NSUN3: variants seen among roughly 807,000 people sequenced by gnomAD.
NSUN3 encodes the protein tRNA (cytosine(34)-C(5))-methyltransferase, mitochondrial.
NSUN3 carries 24 observed loss-of-function variants against 36.8 expected under a neutral mutation model. That is an observed-to-expected ratio of 0.65 (90% CI 0.47 to 0.92). NSUN3 has a LOEUF of 0.92. Among genes scored for constraint, NSUN3 ranks in the 40% least tolerant of loss-of-function variants. NSUN3 has a pLI of 0.00. For synonymous variants in NSUN3, 146 were observed against 145.2 expected (o/e 1.01, Z -0.04); for missense variants, 381 against 392.8 (o/e 0.97, Z 0.25).
intron 5 of NSUN3, among the ~76,000 whole-genome samples, chr3:94,105,499 T>C (rs1412605253): frequency 6.6e-6 from 1 of 152,178 alleles, no homozygotes; most frequent in Non-Finnish European, 1.5e-5. Flanking sequence ...TCAAATGACT[T>C]CTTTAGGAAA....
intron 5 of NSUN3, among the ~76,000 whole-genome samples, chr3:94,104,371 G>T (rs1240787766): frequency 1.3e-5 from 2 of 152,142 alleles, no homozygotes; most frequent in African/African-American, 2.4e-5. Flanking sequence ...AGTGGATAAG[G>T]TCTCTGGTCT....
intron 3 of NSUN3, among the ~76,000 whole-genome samples, chr3:94,089,588 C>A (rs2107251360): frequency 6.6e-6 from 1 of 152,298 alleles, no homozygotes; most frequent in East Asian, 1.9e-4. Flanking sequence ...TTTCTAAACA[C>A]ACTGTGCGTG....
At position 94,121,796 on chromosome 3, in the gene NSUN3, C is replaced by A. The variant is rs148645307; in HGVS notation, c.744-4415C>A. On this transcript the variant is annotated intron_variant, in intron 5 of 5. Transcript: ENST00000314622. Reference sequence around the variant, plus strand: ...CCATAAAATTTTAGTTATCTGGAACCTCAGGGAATACCTTTTCTAGAGAGG... The same window carrying A: ...CCATAAAATTTTAGTTATCTGGAACATCAGGGAATACCTTTTCTAGAGAGG... Among the ~76,000 whole-genome samples, 11 of 152,208 alleles carry A rather than the reference C, an allele frequency of 7.2e-5. No homozygotes were observed. In the East Asian group the frequency reaches 2.1e-3, roughly 29 times the overall value.
chr3:94,106,429 C>G (rs1322316872), intron 5 of NSUN3, among the ~76,000 whole-genome samples: 4 of 152,128 alleles, frequency 2.6e-5, no homozygotes, highest in Non-Finnish European at 5.9e-5. Flanking sequence ...AGTGTGATAT[C>G]TAGAAATTTG....
chr3:94,069,875 G>A (rs771442387), intron 2 of NSUN3, among the ~76,000 whole-genome samples: 23 of 152,156 alleles, frequency 1.5e-4, no homozygotes, highest in Non-Finnish European at 2.5e-4. Context: ...GGGTAAGCAG[G>A]CAGGGTGACA....
intron 2 of NSUN3, chr3:94,082,022 T>C (rs1187966682): frequency 6.6e-6 from 1 of 152,212 alleles, no homozygotes; most frequent in Non-Finnish European, 1.5e-5. Flanking sequence ...TGATGTTAAC[T>C]AATTGAAAGT....
intron 5 of NSUN3, 56 bp from the exon 6 acceptor site, chr3:94,126,155 C>T: frequency 2.0e-6 from 3 of 1,471,390 alleles, no homozygotes; most frequent in Non-Finnish European, 2.8e-6. Context: ...GTCAGACCCC[C>T]TGGTTTCTTT....
intron 1 of NSUN3, chr3:94,063,491 G>C (rs1459578246): frequency 7.2e-6 from 2 of 278,748 alleles, no homozygotes; most frequent in African/African-American, 4.3e-5. Context: ...TTGCAAGGAA[G>C]TTCACGATGA....
At position 94,095,283 on chromosome 3, in the gene NSUN3, A is replaced by T. The variant is rs940636869; in HGVS notation, c.743+129A>T. 8 of 903,196 alleles carry T rather than the reference A, an allele frequency of 8.9e-6. No individual in the cohort carries two copies. In the African/African-American group the frequency reaches 1.3e-4, roughly 15 times the overall value. The allele number at this position is 903,196 out of a possible 1,614,324, so 55.9% of individuals were successfully genotyped here. On this transcript the variant is annotated intron_variant, in intron 5 of 5. Transcript: ENST00000314622. ...CAATGATTATTCCTCCAAAGGCTAC[A>T]CTCAAAAAATTCCCAACTTCTTCCC... is the stretch of plus-strand genomic sequence containing the variant.
intron 5 of NSUN3, 80 bp downstream of exon 5, chr3:94,095,234 G>T (rs2077332876): frequency 1.4e-6 from 2 of 1,382,596 alleles, no homozygotes; most frequent in Non-Finnish European, 1.0e-6. Flanking sequence ...CAGGCCCCCA[G>T]TGGAGGGCTT....
At chr3:94,063,322 C>G in intron 1 of NSUN3, 184 bp downstream of exon 1, 1 of 645,564 alleles carries the variant, frequency 1.5e-6, no homozygotes, top group Non-Finnish European at 2.8e-6. Flanking sequence ...ATGCTGAGTC[C>G]CTTCCGTCCA....
At chr3:94,067,190 T>C (rs1345400234) in intron 2 of NSUN3, among the ~76,000 whole-genome samples, 1 of 152,206 alleles carries the variant, frequency 6.6e-6, no homozygotes, top group Non-Finnish European at 1.5e-5. Context: ...TGAGTGTCCC[T>C]GGTTGGCAAT....
intron 2 of NSUN3, among the ~76,000 whole-genome samples, chr3:94,082,999 T>C (rs2077276497): frequency 6.6e-6 from 1 of 152,172 alleles, no homozygotes; most frequent in Non-Finnish European, 1.5e-5. Flanking sequence ...CCTCTAATAT[T>C]AATAGTCTCT....
intron 1 of NSUN3, 85 bp from the exon 2 acceptor site, chr3:94,064,347 TTCTTG>T (rs1357313299): frequency 1.3e-6 from 1 of 764,688 alleles, no homozygotes; most frequent in Non-Finnish European, 2.3e-6. Flanking sequence ...AAAAAAAGTG[TTCTTG>T]TCTTAAAAAA....
intron 3 of NSUN3, among the ~76,000 whole-genome samples, chr3:94,089,962 A>G (rs2077307800): frequency 6.6e-6 from 1 of 152,202 alleles, no homozygotes; most frequent in Non-Finnish European, 1.5e-5. Context: ...GGACAGTATC[A>G]TTATTCCAAT....
At chr3:94,101,313 A>T (rs1215837880) in intron 5 of NSUN3, among the ~76,000 whole-genome samples, 1 of 152,064 alleles carries the variant, frequency 6.6e-6, no homozygotes, top group Non-Finnish European at 1.5e-5. Context: ...TTTTTTTTTT[A>T]AACTGTTAGT....
rs191484243 is a variant in NSUN3 at position 94,069,628 on chromosome 3, A to C, written c.122+5082A>C. Reference sequence around the variant, plus strand: ...AATAAAGTCACAGAAAAGTTGAATGAAAATTATACTATCAAATAATAAACA... The same window carrying C: ...AATAAAGTCACAGAAAAGTTGAATGCAAATTATACTATCAAATAATAAACA... On this transcript the variant is annotated intron_variant, in intron 2 of 5. Transcript: ENST00000314622. Among the ~76,000 whole-genome samples the C allele has an allele frequency of 2.0e-5, 3 of 152,372 alleles. No homozygotes were observed. In the East Asian group the frequency reaches 5.8e-4, roughly 29 times the overall value.
At chr3:94,069,992 T>TATTTTTCTTTTGTTTCTTAGGA (rs1489997793) in intron 2 of NSUN3, among the ~76,000 whole-genome samples, 2 of 152,348 alleles carry the variant, frequency 1.3e-5, no homozygotes, top group African/African-American at 4.8e-5. Flanking sequence ...TCAGTTTTAA[T>TATTTTTCTTTTGTTTCTTAGGA]ATTTTTCTTT....
At chr3:94,081,885 C>A (rs1295205088) in intron 2 of NSUN3, 2 of 152,124 alleles carry the variant, frequency 1.3e-5, no homozygotes, top group African/African-American at 2.4e-5. Context: ...TGTCTACATA[C>A]ACAAATATTG....
Sources: allele counts gnomAD v4.1 joint callset (sites outside exome capture counted in the v4.1 genomes callset), GRCh38; gene constraint gnomAD v4.1.1; transcripts MANE v1.5; gene names NCBI Gene and HGNC (gene_info 2026-07-23, HGNC 2026-07-21).